PSMD14: variants seen among roughly 807,000 people sequenced by gnomAD.
The protein encoded by PSMD14 is ubiquitin C-terminal hydrolase PSMD14.
PSMD14 carries 7 observed loss-of-function variants against 41.2 expected under a neutral mutation model. That is an observed-to-expected ratio of 0.17 (90% CI 0.10 to 0.32). PSMD14 has a LOEUF of 0.32. Ranked by LOEUF, PSMD14 falls within the 10% of genes least tolerant of loss-of-function variation. The probability of loss-of-function intolerance (pLI) is 1.00; values close to 1 mark genes in which losing one functional copy is unlikely to be tolerated. For missense variants in PSMD14, 139 were observed against 375.6 expected, an observed-to-expected ratio of 0.37 and a Z score of 5.21; for synonymous variants, 114 against 122.3, an observed-to-expected ratio of 0.93 and a Z score of 0.45.
chr2:161,329,935 A>C (rs1682760975), intron 3 of PSMD14, among the ~76,000 whole-genome samples: 2 of 152,142 alleles, frequency 1.3e-5, no homozygotes, highest in African/African-American at 4.8e-5. Context: ...TCTAGTCTTG[A>C]GGGTTCTCAG....
At chr2:161,368,482 C>T (rs980308118) in intron 5 of PSMD14, among the ~76,000 whole-genome samples, 1 of 151,960 alleles carries the variant, frequency 6.6e-6, no homozygotes, top group Non-Finnish European at 1.5e-5. Context: ...GTATAGAATA[C>T]ATTATTCTTT....
chr2:161,385,641 T>A, intron 8 of PSMD14, 70 bp downstream of exon 8: 1 of 850,230 alleles, frequency 1.2e-6, no homozygotes, highest in Non-Finnish European at 1.9e-6. Flanking sequence ...GTAGTCTTTT[T>A]AAGTTCTAAT....
intron 3 of PSMD14, among the ~76,000 whole-genome samples, chr2:161,330,411 CTG>C (rs533506026): frequency 2.0e-4 from 31 of 152,158 alleles, no homozygotes; most frequent in Admixed American, 1.5e-3. Context: ...AAGATACAAT[CTG>C]TGTTTTCTTT....
intron 3 of PSMD14, chr2:161,340,976 C>G: frequency 1.9e-6 from 3 of 1,612,906 alleles, no homozygotes; most frequent in Non-Finnish European, 2.5e-6. Flanking sequence ...CCAAGTCCTG[C>G]TCCTCTTCCT....
At chr2:161,313,024 TG>T (rs796083704) in intron 1 of PSMD14, among the ~76,000 whole-genome samples, 12 of 152,312 alleles carry the variant, frequency 7.9e-5, no homozygotes, top group African/African-American at 2.6e-4. Context: ...TTGTGTTAAA[TG>T]TTTTTTTTTG....
intron 7 of PSMD14, 47 bp from the exon 8 acceptor site, chr2:161,385,417 T>A: frequency 1.8e-6 from 2 of 1,124,714 alleles, no homozygotes; most frequent in Non-Finnish European, 2.6e-6. Context: ...CTTGGCATTA[T>A]CACTTGCTTT....
intron 3 of PSMD14, among the ~76,000 whole-genome samples, chr2:161,333,106 G>A (rs1682819375): frequency 6.6e-6 from 1 of 152,132 alleles, no homozygotes. Flanking sequence ...TTGCTTATTG[G>A]TAATTATTAC....
chr2:161,318,743 T>C (rs761762846), intron 2 of PSMD14, 79 bp from the exon 3 acceptor site: 3 of 1,098,576 alleles, frequency 2.7e-6, no homozygotes, highest in East Asian at 2.4e-5. Flanking sequence ...ACTGAGTGAC[T>C]GAAGGTGAAT....
intron 3 of PSMD14, among the ~76,000 whole-genome samples, chr2:161,320,316 A>T (rs1324738779): frequency 6.6e-6 from 1 of 152,244 alleles, no homozygotes; most frequent in African/African-American, 2.4e-5. Flanking sequence ...TCCATGCTGG[A>T]AAACCCCTGG....
chr2:161,367,742 C>T, intron 4 of PSMD14, 42 bp from the exon 5 acceptor site: 1 of 1,597,878 alleles, frequency 6.3e-7, no homozygotes, highest in South Asian at 1.1e-5. Flanking sequence ...CCAGAGACCT[C>T]AACGAAATTT....
At chr2:161,394,559 G>C (rs1683764891) in intron 9 of PSMD14, among the ~76,000 whole-genome samples, 1 of 152,160 alleles carries the variant, frequency 6.6e-6, no homozygotes, top group Non-Finnish European at 1.5e-5. Flanking sequence ...TCATTCATCA[G>C]ATATTTATTG....
chr2:161,346,083 A>T (rs1050460650), intron 3 of PSMD14, among the ~76,000 whole-genome samples: 1 of 152,050 alleles, frequency 6.6e-6, no homozygotes, highest in Admixed American at 6.5e-5. Context: ...GGGTTTTGCC[A>T]TGTTGCCCAG....
At chr2:161,385,309 G>T in intron 7 of PSMD14, 155 bp from the exon 8 acceptor site, 1 of 412,142 alleles carries the variant, frequency 2.4e-6, no homozygotes, top group Non-Finnish European at 4.3e-6. Flanking sequence ...TGATGGCACA[G>T]TCAGCAGGAG....
At chr2:161,382,885 A>G (rs546613102) in intron 7 of PSMD14, 1 of 151,838 alleles carries the variant, frequency 6.6e-6, no homozygotes, top group East Asian at 1.9e-4. Flanking sequence ...CCATACATTA[A>G]TTAATTCTTG....
intron 3 of PSMD14, among the ~76,000 whole-genome samples, chr2:161,322,556 A>AT (rs1327613243): frequency 6.6e-6 from 1 of 151,924 alleles, no homozygotes; most frequent in Non-Finnish European, 1.5e-5. Flanking sequence ...CGCCCAGCTA[A>AT]TTTTTTTATT....
At chr2:161,343,549 C>G (rs1016611010) in intron 3 of PSMD14, among the ~76,000 whole-genome samples, 3 of 152,144 alleles carry the variant, frequency 2.0e-5, no homozygotes, top group Non-Finnish European at 4.4e-5. Context: ...GTTTGAGGAT[C>G]GGGTACAGTG....
In PSMD14 at chr2:161,308,443, GCCCGGGCAA is replaced by G; in HGVS notation, c.-297_-289del. The G allele has an allele frequency of 6.6e-6, 1 of 152,276 alleles. No homozygotes were observed. Among genetic ancestry groups the G allele is most frequent in the Non-Finnish European group, 1.5e-5 (1 of 68,092 alleles). 9.4% of individuals were successfully genotyped at this position (152,276 alleles called of 1,614,324 possible). A position where few individuals can be genotyped will look rare whatever the true frequency, so the allele number is the denominator to read the frequency against. On this transcript the variant is annotated 5_prime_UTR_variant, in exon 1 of 12. Coordinates refer to ENST00000409682, the MANE Select transcript of PSMD14 (RefSeq NM_005805.6). ...AACCCGGAAGTGCTTCGCGGCGGAG[GCCCGGGCAA>G]CTCTTTTGAATGGAATCGGGCTGAT...
intron 4 of PSMD14, 76 bp downstream of exon 4, chr2:161,367,625 C>A: frequency 7.0e-7 from 1 of 1,435,150 alleles, no homozygotes; most frequent in Non-Finnish European, 9.5e-7. Flanking sequence ...GAATATTTGT[C>A]ACCTTAATCC....
chr2:161,384,741 C>G lies in PSMD14; in HGVS notation c.463-723C>G, dbSNP rs1291288438. On this transcript the variant is annotated intron_variant, in intron 7 of 11. Coordinates refer to ENST00000409682, the MANE Select transcript of PSMD14 (RefSeq NM_005805.6). The stretch of plus-strand genomic sequence containing the variant: ...TAAGAGCTAACAGATGTTATTGTAT[C>G]ATAGGAGAATTTGAAGTATTTCTGT... The G allele has an allele frequency of 4.0e-5, 6 of 151,714 alleles. No individual in the cohort carries two copies. In the East Asian group the frequency reaches 5.8e-4, roughly 15 times the overall value. The allele number at this position is 151,714 out of a possible 1,614,324, so 9.4% of individuals were successfully genotyped here.
Sources: allele counts gnomAD v4.1 joint callset (sites outside exome capture counted in the v4.1 genomes callset), GRCh38; gene constraint gnomAD v4.1.1; transcripts MANE v1.5; gene names NCBI Gene and HGNC (gene_info 2026-07-23, HGNC 2026-07-21).